Variants in ACAD10 observed in about 807,000 individuals in gnomAD.
ACAD10 encodes the protein acyl-CoA dehydrogenase family member 10, also known as ACAD-10.
ACAD10 carries 112 observed loss-of-function variants against 116.8 expected under a neutral mutation model. The observed-to-expected ratio is 0.96, with a 90% CI of 0.82 to 1.12. The LOEUF is 1.12. Ranked by LOEUF, ACAD10 falls within the 50% of genes most tolerant of loss-of-function variation. ACAD10 has a pLI of 0.00. For synonymous variants in ACAD10, 486 were observed against 510.6 expected, an observed-to-expected ratio of 0.95 and a Z score of 0.65; for missense variants, 1,259 against 1,350.2, an observed-to-expected ratio of 0.93 and a Z score of 1.06.
In ACAD10 at chr12:111,733,998, C is replaced by T. The variant is rs1304263308; in HGVS notation, c.1470C>T (p.Gly490=). 35 of 1,614,118 alleles carry T rather than the reference C, an allele frequency of 2.2e-5. No homozygotes were observed. Among genetic ancestry groups the T allele is most frequent in the Middle Eastern group, 1.6e-4 (1 of 6,084 alleles). The part of the protein sequence containing the change: ...AVLDWELSTL[G]DPLADVAYSC... Reference sequence around the variant, plus strand: ...TTGACTGGGAACTTTCTACCTTGGGCGACCCCCTTGCTGATGTGGCCTACA... The same window carrying T: ...TTGACTGGGAACTTTCTACCTTGGGTGACCCCCTTGCTGATGTGGCCTACA... Residue 490 remains glycine, a synonymous_variant, in exon 11 of 21, where the codon GGC becomes GGT. Coordinates refer to ENST00000313698, the MANE Select transcript of ACAD10 (RefSeq NM_025247.6).
chr12:111,748,997 T>G, intron 17 of ACAD10, 176 bp from the exon 18 acceptor site: 1 of 1,608,946 alleles, frequency 6.2e-7, no homozygotes, highest in Non-Finnish European at 8.5e-7. Context: ...TGATTCATTT[T>G]CTGTGTTTAA....
chr12:111,695,716 A>G (rs569951364), intron 2 of ACAD10, among the ~76,000 whole-genome samples: 17 of 152,276 alleles, frequency 1.1e-4, no homozygotes, highest in African/African-American at 4.1e-4. Context: ...TCATTTGATA[A>G]GAATATACTA....
At chr12:111,747,518 A>G in intron 16 of ACAD10, 133 bp downstream of exon 16, 4 of 1,508,840 alleles carry the variant, frequency 2.7e-6, no homozygotes, top group African/African-American at 1.4e-5. Context: ...TAGCGCCCCC[A>G]GCAGAGGCAG....
intron 5 of ACAD10, chr12:111,710,078 C>CTTTTTTCTATTCTTTTTTTTT: frequency 3.2e-6 from 1 of 316,022 alleles, no homozygotes; most frequent in African/African-American, 2.3e-5. Flanking sequence ...CTCATGCCAA[C>CTTTTTTCTATTCTTTTTTTTT]TTTTTTCTAT....
intron 12 of ACAD10, among the ~76,000 whole-genome samples, chr12:111,738,693 C>A (rs899876533): frequency 6.6e-6 from 1 of 151,422 alleles, no homozygotes; most frequent in African/African-American, 2.4e-5. Flanking sequence ...ATGGTGAAAC[C>A]ACATCTCTAC....
In ACAD10 at chr12:111,734,002, C is replaced by T. The variant is rs1274383922; in HGVS notation, c.1474C>T (p.Pro492Ser). Residue 492 changes from proline (P) to serine (S), a missense_variant, in exon 11 of 21, where the codon CCC becomes TCC. Coordinates refer to ENST00000313698, the MANE Select transcript of ACAD10 (RefSeq NM_025247.6). ...LDWELSTLGD[P>S]LADVAYSCLA... Reference sequence around the variant, plus strand: ...CTGGGAACTTTCTACCTTGGGCGACCCCCTTGCTGATGTGGCCTACAGCTG... The same window carrying T: ...CTGGGAACTTTCTACCTTGGGCGACTCCCTTGCTGATGTGGCCTACAGCTG... 1.2e-6 allele frequency: 2 copies of T among 1,614,210 alleles called. No homozygotes were observed. Among genetic ancestry groups the T allele is most frequent in the Non-Finnish European group, 1.7e-6 (2 of 1,180,034 alleles).
Position 111,702,041 on chromosome 12 carries a change from C to A in ACAD10, c.188-121C>A. The A allele has an allele frequency of 3.7e-6, 4 of 1,093,290 alleles. No homozygotes were observed. The South Asian group carries it at 4.8e-5, about 13-fold the overall frequency. 67.7% of individuals were successfully genotyped at this position (1,093,290 alleles called of 1,614,324 possible). A position where few individuals can be genotyped will look rare whatever the true frequency, so the allele number is the denominator to read the frequency against. ...CATTTTGTGAATGTCTGCAAATTTC[C>A]AACAGCATCCACCCTGGCAGTACAG... On this transcript the variant is annotated intron_variant, in intron 2 of 20. Transcript: ENST00000313698.
chr12:111,723,021 C>A (rs1297868732), intron 8 of ACAD10, among the ~76,000 whole-genome samples: 1 of 145,018 alleles, frequency 6.9e-6, no homozygotes, highest in South Asian at 2.2e-4. Context: ...GGGGCTGACC[C>A]CCCCCCACCT....
At chr12:111,710,742 G>T (rs191850613) in intron 5 of ACAD10, among the ~76,000 whole-genome samples, 1 of 151,964 alleles carries the variant, frequency 6.6e-6, no homozygotes, top group Non-Finnish European at 1.5e-5. Context: ...AAATCTGCCC[G>T]CCTCGCCTCC....
At chr12:111,723,528 C>T (rs1210274185) in intron 8 of ACAD10, among the ~76,000 whole-genome samples, 1 of 141,790 alleles carries the variant, frequency 7.1e-6, no homozygotes, top group African/African-American at 2.6e-5. Context: ...CTCCTCACTT[C>T]CCAGTAGGGG....
chr12:111,708,497 C>T (rs1888576581), intron 4 of ACAD10, among the ~76,000 whole-genome samples: 1 of 151,748 alleles, frequency 6.6e-6, no homozygotes, highest in Admixed American at 6.6e-5. Flanking sequence ...CATTCAGGTC[C>T]TTAGGAGACA....
chr12:111,746,913 TG>T, intron 14 of ACAD10, 135 bp from the exon 15 acceptor site: 2 of 1,168,384 alleles, frequency 1.7e-6, no homozygotes, highest in East Asian at 4.9e-5. Flanking sequence ...CATGGGAGGA[TG>T]GCTTGAGCTG....
intron 8 of ACAD10, among the ~76,000 whole-genome samples, chr12:111,723,832 G>A (rs1303668996): frequency 6.6e-6 from 1 of 151,514 alleles, no homozygotes; most frequent in Non-Finnish European, 1.5e-5. Context: ...TTCTCAGACG[G>A]GGCGGTTGCC....
chr12:111,742,709 TA>T lies in ACAD10; in HGVS notation c.1715-1930del, dbSNP rs2135986164. On this transcript the variant is annotated intron_variant, in intron 12 of 20. Coordinates refer to ENST00000313698, the MANE Select transcript of ACAD10 (RefSeq NM_025247.6). ...GCCCCATCTCTTATTTAAAAATAAA[TA>T]AAATATTTATTTTTTTGAGACGGAA... Among the ~76,000 whole-genome samples the T allele has an allele frequency of 1.3e-5, 2 of 152,214 alleles. 1 individual carries two copies. The highest frequency in any genetic ancestry group is 4.1e-4 in the South Asian group (2 of 4,826).
intron 12 of ACAD10, among the ~76,000 whole-genome samples, chr12:111,741,794 C>A (rs1403445843): frequency 6.6e-6 from 1 of 152,166 alleles, no homozygotes; most frequent in Non-Finnish European, 1.5e-5. Flanking sequence ...GCTTTAAAAT[C>A]ATTTTTGTTT....
rs541301292 is a variant in ACAD10 at position 111,689,256 on chromosome 12, A to C, written c.-14+3017A>C. Among the ~76,000 whole-genome samples the C allele has an allele frequency of 1.1e-4, 16 of 151,980 alleles. No individual in the cohort carries two copies. The South Asian group carries it at 3.3e-3, about 32-fold the overall frequency. On this transcript the variant is annotated intron_variant, in intron 1 of 20. Transcript: ENST00000313698. ...TATCAAAATATATAAATATATATAC[A>C]TGCATATATATGTATGTATACCTAA...
chr12:111,710,292 T>C (rs753217344), intron 5 of ACAD10: 6 of 454,688 alleles, frequency 1.3e-5, no homozygotes, highest in African/African-American at 4.0e-5. Context: ...TTTGCCGTGT[T>C]GCCCAAGCTG....
intron 6 of ACAD10, among the ~76,000 whole-genome samples, chr12:111,713,166 C>G (rs1458325364): frequency 6.6e-6 from 1 of 151,678 alleles, no homozygotes; most frequent in Non-Finnish European, 1.5e-5. Context: ...CAAAAATTAG[C>G]TGGGTGTGGT....
chr12:111,705,785 T>C lies in ACAD10; in HGVS notation c.384T>C (p.Ser128=). 2 of 1,614,220 alleles carry C rather than the reference T, an allele frequency of 1.2e-6. No homozygotes were observed. Among genetic ancestry groups the C allele is most frequent in the Non-Finnish European group, 1.7e-6 (2 of 1,180,040 alleles). ...PVDSFFSLLT[S]ERVAKQFPVM... is the part of the protein sequence containing the mutation. ...ACTCATTTTTCTCTCTGTTGACCAGTGAGCGAGTGGCAAAGCAGTTCCCAG... is the reference window on the plus strand; with the variant it reads ...ACTCATTTTTCTCTCTGTTGACCAGCGAGCGAGTGGCAAAGCAGTTCCCAG... The change falls in exon 4 of 21, where the codon AGT becomes AGC. Residue 128 remains serine (S), a synonymous_variant. Coordinates refer to ENST00000313698, the MANE Select transcript of ACAD10 (RefSeq NM_025247.6).
Sources: gnomAD v4.1 joint callset for allele counts (sites outside exome capture counted in the v4.1 genomes callset) on GRCh38, gnomAD v4.1.1 for gene constraint, MANE v1.5 for transcripts, NCBI Gene and HGNC (gene_info 2026-07-23, HGNC 2026-07-21) for gene names.